The following GRIA1 variants were observed in gnomAD, a reference collection of about 807,000 sequenced individuals.
GRIA1 encodes the protein glutamate receptor 1.
A neutral mutation model predicts 99.2 loss-of-function variants in GRIA1; 31 were observed. The observed-to-expected ratio is 0.31, with a 90% CI of 0.23 to 0.42. GRIA1 has a LOEUF of 0.42. Among genes scored for constraint, GRIA1 ranks in the 10% least tolerant of loss-of-function variants. GRIA1 has a pLI of 1.00. For missense variants in GRIA1, 782 were observed against 1,157.5 expected (o/e 0.68, Z 4.71); for synonymous variants, 438 against 432.4 (o/e 1.01, Z -0.16).
Position 153,677,056 on chromosome 5 carries a change from G to C in GRIA1, c.924G>C (p.Arg308=), listed in dbSNP as rs1756640346. ...TGGCTGAGGCTTTCCAGAGCCTGCG[G>C]AGGCAGAGAATTGATATATCTCGCC... ...KVMAEAFQSL[R]RQRIDISRRG... Residue 308 remains arginine (R), a synonymous_variant, in exon 7 of 16, where the codon CGG becomes CGC. Coordinates refer to ENST00000285900, the MANE Select transcript of GRIA1 (RefSeq NM_000827.4). 1 of 1,581,346 alleles carries C rather than the reference G, an allele frequency of 6.3e-7. No individual in the cohort carries two copies. Among genetic ancestry groups the C allele is most frequent in the African/African-American group, 1.4e-5 (1 of 73,964 alleles).
Position 153,582,580 on chromosome 5 carries a change from C to T in GRIA1, c.221-64348C>T, listed in dbSNP as rs78025094. Reference sequence around the variant, plus strand: ...GGTTCCATCGTTCTGCCCCTGAATACGGGGACAGCTCCTCTTTTTCTATTA... The same window carrying T: ...GGTTCCATCGTTCTGCCCCTGAATATGGGGACAGCTCCTCTTTTTCTATTA... On this transcript the variant is annotated intron_variant, in intron 2 of 15. Coordinates refer to ENST00000285900, the MANE Select transcript of GRIA1 (RefSeq NM_000827.4). Among the ~76,000 whole-genome samples, 483 of 152,228 alleles carry T rather than the reference C, an allele frequency of 3.2e-3. 5 individuals carry two copies. Among genetic ancestry groups the T allele is most frequent in the African/African-American group, 0.01 (430 of 41,538 alleles).
At chr5:153,797,502 C>T (rs1356762380) in intron 14 of GRIA1, among the ~76,000 whole-genome samples, 1 of 152,184 alleles carries the variant, frequency 6.6e-6, no homozygotes, top group Non-Finnish European at 1.5e-5. Context: ...ACACAAGGCC[C>T]CTGCTCACCA....
intron 2 of GRIA1, among the ~76,000 whole-genome samples, chr5:153,563,012 C>A (rs1353559509): frequency 6.6e-6 from 1 of 151,878 alleles, no homozygotes; most frequent in Non-Finnish European, 1.5e-5. Flanking sequence ...CCCGTCTCTA[C>A]TAAAAATAGA....
At chr5:153,759,462 A>AAAT (rs1346778827) in intron 11 of GRIA1, among the ~76,000 whole-genome samples, 1 of 151,884 alleles carries the variant, frequency 6.6e-6, no homozygotes, top group Non-Finnish European at 1.5e-5. Context: ...CCTAGGAAAA[A>AAAT]AATAAGTTCT....
At chr5:153,506,531 G>T (rs538450261) in intron 2 of GRIA1, among the ~76,000 whole-genome samples, 1 of 152,106 alleles carries the variant, frequency 6.6e-6, no homozygotes, top group South Asian at 2.1e-4. Context: ...TTTGTTAATT[G>T]AGGTGGTTAA....
chr5:153,602,015 T>C (rs1765011838), intron 2 of GRIA1, among the ~76,000 whole-genome samples: 1 of 152,192 alleles, frequency 6.6e-6, no homozygotes, highest in Admixed American at 6.5e-5. Context: ...AGTTAAGACT[T>C]ATTTTGAAAA....
intron 2 of GRIA1, among the ~76,000 whole-genome samples, chr5:153,602,373 C>A (rs1029359129): frequency 6.6e-6 from 1 of 150,460 alleles, no homozygotes; most frequent in African/African-American, 2.5e-5. Context: ...CACACTGGGG[C>A]CTGTTGTGGG....
chr5:153,524,324 T>G (rs1757417353), intron 2 of GRIA1, among the ~76,000 whole-genome samples: 1 of 152,036 alleles, frequency 6.6e-6, no homozygotes, highest in Admixed American at 6.6e-5. Flanking sequence ...AGACTCAGTT[T>G]AAAAAAACAA....
intron 2 of GRIA1, among the ~76,000 whole-genome samples, chr5:153,562,842 TAA>T (rs1159658656): frequency 3.9e-5 from 6 of 152,210 alleles, no homozygotes; most frequent in Non-Finnish European, 8.8e-5. Flanking sequence ...TACAATTTCT[TAA>T]AAGAGTACTT....
At chr5:153,767,150 A>T (rs1763571537) in intron 12 of GRIA1, among the ~76,000 whole-genome samples, 1 of 151,006 alleles carries the variant, frequency 6.6e-6, no homozygotes, top group African/African-American at 2.5e-5. Flanking sequence ...TAAAACCTGA[A>T]AAAAAAGGCA....
intron 11 of GRIA1, among the ~76,000 whole-genome samples, chr5:153,739,068 C>A: frequency 7.0e-6 from 1 of 142,714 alleles, no homozygotes; most frequent in Admixed American, 7.2e-5. Flanking sequence ...ATTCTCCATT[C>A]TGCAAGGCAG....
chr5:153,590,166 A>G (rs984772047), intron 2 of GRIA1, among the ~76,000 whole-genome samples: 20 of 152,290 alleles, frequency 1.3e-4, no homozygotes, highest in African/African-American at 4.8e-4. Flanking sequence ...TAATTTGTCA[A>G]CATTGTGGAT....
intron 2 of GRIA1, among the ~76,000 whole-genome samples, chr5:153,602,792 C>T (rs894959143): frequency 2.1e-5 from 3 of 141,640 alleles, no homozygotes; most frequent in African/African-American, 7.7e-5. Flanking sequence ...TTTCCAAGGC[C>T]AAAGTGTTTT....
intron 4 of GRIA1, 54 bp downstream of exon 4, chr5:153,650,568 C>T: frequency 6.5e-7 from 1 of 1,541,908 alleles, no homozygotes; most frequent in Non-Finnish European, 8.9e-7. Flanking sequence ...TCAGGAATAG[C>T]CAGACACACT....
intron 3 of GRIA1, among the ~76,000 whole-genome samples, chr5:153,648,067 T>C (rs1183828416): frequency 6.6e-6 from 1 of 152,186 alleles, no homozygotes; most frequent in East Asian, 1.9e-4. Context: ...ACCTGAAAGG[T>C]GAGACAGAGG....
At chr5:153,703,051 T>C (rs1561783313) in intron 10 of GRIA1, among the ~76,000 whole-genome samples, 1 of 152,214 alleles carries the variant, frequency 6.6e-6, no homozygotes, top group Non-Finnish European at 1.5e-5. Flanking sequence ...ACCTCAGTTA[T>C]TGGTGGTGGA....
chr5:153,656,907 C>T (rs113832286), intron 5 of GRIA1, among the ~76,000 whole-genome samples: 6,079 of 152,126 alleles, frequency 0.04, 136 homozygotes, highest in Middle Eastern at 0.085. Flanking sequence ...ACTTTCTATC[C>T]GTATGTATTT....
intron 2 of GRIA1, among the ~76,000 whole-genome samples, chr5:153,509,481 A>G (rs1158424800): frequency 6.6e-6 from 1 of 152,084 alleles, no homozygotes; most frequent in East Asian, 1.9e-4. Flanking sequence ...GCCCATTTCA[A>G]CTTTCTACCT....
intron 11 of GRIA1, among the ~76,000 whole-genome samples, chr5:153,752,250 A>G (rs946543942): frequency 6.6e-6 from 1 of 151,918 alleles, no homozygotes; most frequent in African/African-American, 2.4e-5. Context: ...TTTTATATCT[A>G]TCTCCTGGCG....
Sources: gnomAD v4.1 joint callset for allele counts (sites outside exome capture counted in the v4.1 genomes callset) on GRCh38, gnomAD v4.1.1 for gene constraint, MANE v1.5 for transcripts, NCBI Gene and HGNC (gene_info 2026-07-23, HGNC 2026-07-21) for gene names.